The following CFAP46 variants were observed in gnomAD, a reference collection of about 807,000 sequenced individuals.
CFAP46 encodes the protein cilia and flagella associated protein 46.
A neutral mutation model predicts 325.7 loss-of-function variants in CFAP46; 245 were observed. That is an observed-to-expected ratio of 0.75 (90% CI 0.68 to 0.84). The LOEUF (loss-of-function observed/expected upper bound fraction) is 0.84, where lower values mean the gene tolerates loss of function less well. Ranked by LOEUF, CFAP46 falls within the 40% of genes least tolerant of loss-of-function variation. The probability of loss-of-function intolerance (pLI) is 0.00; values close to 1 mark genes in which losing one functional copy is unlikely to be tolerated. For synonymous variants in CFAP46, 1,523 were observed against 1,495.9 expected, an observed-to-expected ratio of 1.02 and a Z score of -0.42; for missense variants, 3,346 against 3,543.0, an observed-to-expected ratio of 0.94 and a Z score of 1.41.
chr10:132,867,527 C>T lies in CFAP46; in HGVS notation c.4611-20G>A. On this transcript the variant is annotated intron_variant, in intron 33 of 57. Transcript: ENST00000368586. ...CTGCAGCTAATGCGAGGAAAACAGACAATACGCAAGAGCCACATGGCCACG... is the reference window on the plus strand; with the variant it reads ...CTGCAGCTAATGCGAGGAAAACAGATAATACGCAAGAGCCACATGGCCACG... 6 of 1,547,690 alleles carry T rather than the reference C, an allele frequency of 3.9e-6. No homozygotes were observed. The highest frequency in any genetic ancestry group is 5.2e-6 in the Non-Finnish European group (6 of 1,146,464).
chr10:132,865,717 G>T (rs1591062446), intron 35 of CFAP46, among the ~76,000 whole-genome samples: 1 of 152,234 alleles, frequency 6.6e-6, no homozygotes, highest in Admixed American at 6.5e-5. Context: ...GCCTCAGAAG[G>T]TAAGAAACTG....
At chr10:132,823,676 CTGTGTGCTGATGTGTGCTGA>C (rs1224470164) in intron 50 of CFAP46, among the ~76,000 whole-genome samples, 1 of 104,794 alleles carries the variant, frequency 9.5e-6, no homozygotes, top group Non-Finnish European at 1.8e-5. Flanking sequence ...CTGATGTGTG[CTGTGTGCTGATGTGTGCTGA>C]TGTGTGCTGT....
At chr10:132,841,638 G>A (rs558220780) in intron 44 of CFAP46, among the ~76,000 whole-genome samples, 8 of 152,182 alleles carry the variant, frequency 5.3e-5, no homozygotes, top group African/African-American at 1.9e-4. Flanking sequence ...TTGAAATCTG[G>A]ATGGAGGCTG....
chr10:132,844,469 C>A (rs1046150444), intron 44 of CFAP46, among the ~76,000 whole-genome samples: 11 of 152,180 alleles, frequency 7.2e-5, no homozygotes, highest in Non-Finnish European at 1.5e-4. Flanking sequence ...CCAGCCTTTC[C>A]CGAGGCTGCT....
rs143539604 is a variant in CFAP46 at position 132,904,639 on chromosome 10, G to A, written c.2924+3829C>T. Among the ~76,000 whole-genome samples, 505 of 152,326 alleles carry A rather than the reference G, an allele frequency of 3.3e-3. 2 individuals are homozygous for A. Among genetic ancestry groups the A allele is most frequent in the East Asian group, 0.023 (117 of 5,194 alleles). Reference sequence around the variant, plus strand: ...CCCCCACATCCTCCTGTTGTGTGCCGCTCTGCCCTCCACACTTGGGGAAGT... The same window carrying A: ...CCCCCACATCCTCCTGTTGTGTGCCACTCTGCCCTCCACACTTGGGGAAGT... On this transcript the variant is annotated intron_variant, in intron 22 of 57. Coordinates refer to ENST00000368586, the MANE Select transcript of CFAP46 (RefSeq NM_001200049.3).
chr10:132,861,623 A>C (rs1782754311), intron 35 of CFAP46, among the ~76,000 whole-genome samples: 1 of 152,202 alleles, frequency 6.6e-6, no homozygotes, highest in South Asian at 2.1e-4. Flanking sequence ...CTGGGACAGA[A>C]ATACAGGGCA....
At chr10:132,887,605 TC>T (rs766026352) in intron 25 of CFAP46, among the ~76,000 whole-genome samples, 7 of 23,340 alleles carry the variant, frequency 3.0e-4, no homozygotes, top group African/African-American at 7.4e-4. Context: ...CCTTCTTCTC[TC>T]CTCTCCTCTC....
At chr10:132,852,680 A>G (rs1313545920) in intron 39 of CFAP46, among the ~76,000 whole-genome samples, 2 of 152,254 alleles carry the variant, frequency 1.3e-5, no homozygotes, top group African/African-American at 2.4e-5. Context: ...CCAGTTACTT[A>G]GGCATTCTCA....
At chr10:132,898,757 C>G in intron 24 of CFAP46, 1 of 704,224 alleles carries the variant, frequency 1.4e-6, no homozygotes, top group South Asian at 1.5e-5. Flanking sequence ...GAGGTCAGGT[C>G]TGAGCACCGA....
At chr10:132,816,773 T>C (rs1487289636) in intron 50 of CFAP46, among the ~76,000 whole-genome samples, 1 of 152,220 alleles carries the variant, frequency 6.6e-6, no homozygotes, top group Non-Finnish European at 1.5e-5. Context: ...CATGATCATT[T>C]CATGTCTTCT....
Position 132,881,009 on chromosome 10 carries a change from C to T in CFAP46, c.3651G>A (p.Lys1217=). 6.4e-7 allele frequency: 1 copy of T among 1,550,540 alleles called. No homozygotes were observed. Among genetic ancestry groups the T allele is most frequent in the Non-Finnish European group, 8.7e-7 (1 of 1,146,984 alleles). The part of the protein sequence containing the change: ...ALQKPEMEWQ[K]VEYLMEFGQW... ...GGCCGAACTCCATGAGGTACTCCAC[C>T]TTCTGCCACTCCATCTCAGGCTTCT... Residue 1217 remains lysine (K), a synonymous_variant, in exon 28 of 58, where the codon AAG becomes AAA. Coordinates refer to ENST00000368586, the MANE Select transcript of CFAP46 (RefSeq NM_001200049.3).
chr10:132,855,611 G>A (rs1344441581), intron 39 of CFAP46, among the ~76,000 whole-genome samples: 1 of 151,720 alleles, frequency 6.6e-6, no homozygotes, highest in African/African-American at 2.4e-5. Flanking sequence ...TCTTTTTTCT[G>A]CTTTCAGGGG....
At chr10:132,859,521 G>A (rs898268338) in intron 37 of CFAP46, among the ~76,000 whole-genome samples, 7 of 151,594 alleles carry the variant, frequency 4.6e-5, no homozygotes, top group Non-Finnish European at 8.9e-5. Flanking sequence ...GTATCCAGGC[G>A]GAAATTCAAA....
intron 20 of CFAP46, among the ~76,000 whole-genome samples, chr10:132,909,490 C>T (rs1254747937): frequency 3.3e-5 from 5 of 152,190 alleles, no homozygotes; most frequent in Admixed American, 6.5e-5. Flanking sequence ...GGGTGACCCC[C>T]GAGGAGGGAA....
At chr10:132,851,407 A>T in intron 39 of CFAP46, 102 bp from the exon 40 acceptor site, 1 of 1,114,728 alleles carries the variant, frequency 9.0e-7, no homozygotes, top group Non-Finnish European at 1.3e-6. Context: ...AGAAACTCAT[A>T]ACAAACTGCG....
chr10:132,912,294 C>CCTG (rs1201305373), intron 19 of CFAP46, among the ~76,000 whole-genome samples: 1 of 100,364 alleles, frequency 1.0e-5, no homozygotes, highest in African/African-American at 4.6e-5. Context: ...CCTCCTCTCT[C>CCTG]TCTCCTCTCT....
chr10:132,811,889 C>T (rs1847588241), intron 55 of CFAP46, among the ~76,000 whole-genome samples: 1 of 152,236 alleles, frequency 6.6e-6, no homozygotes, highest in Non-Finnish European at 1.5e-5. Context: ...GTCCACACAC[C>T]TGCTCCGCTC....
chr10:132,834,260 C>T lies in CFAP46; in HGVS notation c.6867-137G>A. The T allele has an allele frequency of 3.7e-6, 3 of 811,162 alleles. No homozygotes were observed. In the South Asian group the frequency reaches 5.1e-5, roughly 14 times the overall value. The allele number at this position is 811,162 out of a possible 1,614,324, so 50.2% of individuals were successfully genotyped here. ...CCACGCTCACTTCTGGGGATGGTCC[C>T]ACTGAGGTGGGGCCGGGATGAGCCA... On this transcript the variant is annotated intron_variant, in intron 48 of 57. Coordinates refer to ENST00000368586, the MANE Select transcript of CFAP46 (RefSeq NM_001200049.3).
At chr10:132,822,793 G>GTGTGTGCAGTGATGTGTGC (rs1847901175) in intron 50 of CFAP46, among the ~76,000 whole-genome samples, 1 of 133,182 alleles carries the variant, frequency 7.5e-6, no homozygotes, top group Non-Finnish European at 1.6e-5. Flanking sequence ...TGTGTGTGCT[G>GTGTGTGCAGTGATGTGTGC]TGTGTGTGCT....
Sources: gnomAD v4.1 joint callset for allele counts (sites outside exome capture counted in the v4.1 genomes callset) on GRCh38, gnomAD v4.1.1 for gene constraint, MANE v1.5 for transcripts, NCBI Gene and HGNC (gene_info 2026-07-23, HGNC 2026-07-21) for gene names.